The following ANKIB1 variants were observed in gnomAD, a reference collection of about 807,000 sequenced individuals.
ANKIB1 encodes the protein ankyrin repeat and IBR domain containing 1.
ANKIB1 carries 43 observed loss-of-function variants against 122.1 expected under a neutral mutation model. That is an observed-to-expected ratio of 0.35 (90% CI 0.28 to 0.45). The LOEUF is 0.45. Among genes scored for constraint, ANKIB1 ranks in the 20% least tolerant of loss-of-function variants. The pLI, the probability that ANKIB1 is intolerant of heterozygous loss-of-function variation, is 1.00. For synonymous variants in ANKIB1, 390 were observed against 442.0 expected (o/e 0.88, Z 1.48); for missense variants, 992 against 1,329.5 (o/e 0.75, Z 3.95).
intron 3 of ANKIB1, among the ~76,000 whole-genome samples, chr7:92,317,189 A>C (rs1171777294): frequency 6.6e-6 from 1 of 152,210 alleles, no homozygotes; most frequent in African/African-American, 2.4e-5. Context: ...AAATTAGGTA[A>C]TATAAATTTA....
intron 11 of ANKIB1, among the ~76,000 whole-genome samples, chr7:92,379,218 A>C (rs950361022): frequency 2.0e-5 from 3 of 152,140 alleles, no homozygotes; most frequent in African/African-American, 7.2e-5. Flanking sequence ...GTGAAACCCC[A>C]TCTCTACTAA....
intron 9 of ANKIB1, among the ~76,000 whole-genome samples, chr7:92,356,707 A>C (rs1585123566): frequency 6.6e-6 from 1 of 152,244 alleles, no homozygotes; most frequent in South Asian, 2.1e-4. Flanking sequence ...TGATGCAGTC[A>C]ACATACAGTG....
chr7:92,263,249 A>G (rs190237447), intron 1 of ANKIB1, among the ~76,000 whole-genome samples: 1 of 152,312 alleles, frequency 6.6e-6, no homozygotes, highest in Admixed American at 6.5e-5. Context: ...TTAATTCTGT[A>G]ATATTAAACC....
Position 92,335,802 on chromosome 7 carries a change from CTGTT to C in ANKIB1, c.788-7212_788-7209del, listed in dbSNP as rs769128136. On this transcript the variant is annotated intron_variant, in intron 5 of 19. Transcript: ENST00000265742. The stretch of plus-strand genomic sequence containing the variant: ...GGTTGGATTTAGGTCTTCCATTTCA[CTGTT>C]TGTTTGTTTTCTGTTTGTCTCTTTA... Among the ~76,000 whole-genome samples, 23 of 151,986 alleles carry C rather than the reference CTGTT, an allele frequency of 1.5e-4. 1 individual carries two copies. The highest frequency in any genetic ancestry group is 1.0e-3 in the South Asian group (5 of 4,818).
At chr7:92,293,131 A>C (rs899289053) in intron 1 of ANKIB1, among the ~76,000 whole-genome samples, 3 of 152,188 alleles carry the variant, frequency 2.0e-5, no homozygotes, top group Non-Finnish European at 4.4e-5. Flanking sequence ...GGGCACCAGA[A>C]GCCTTTTATA....
intron 5 of ANKIB1, among the ~76,000 whole-genome samples, chr7:92,334,122 G>A (rs950481856): frequency 2.0e-5 from 3 of 152,092 alleles, no homozygotes; most frequent in Admixed American, 6.6e-5. Context: ...GCATTCATTT[G>A]TGATTACTTT....
Position 92,307,614 on chromosome 7 carries a change from C to T in ANKIB1, c.444C>T (p.Pro148=), listed in dbSNP as rs1444507010. The change falls in exon 3 of 20, where the codon CCC becomes CCT. Residue 148 remains proline (P), a synonymous_variant. Transcript: ENST00000265742. ...IDAVDNKKNT[P]LHYAAASGMK... Reference sequence around the variant, plus strand: ...CTGTTGATAACAAAAAAAACACACCCTTGCACTATGCTGCTGCCTCAGGGA... The same window carrying T: ...CTGTTGATAACAAAAAAAACACACCTTTGCACTATGCTGCTGCCTCAGGGA... The T allele has an allele frequency of 6.2e-7, 1 of 1,612,430 alleles. No individual in the cohort carries two copies. Among genetic ancestry groups the T allele is most frequent in the East Asian group, 2.2e-5 (1 of 44,840 alleles).
At chr7:92,314,430 C>G (rs139878181) in intron 3 of ANKIB1, among the ~76,000 whole-genome samples, 104 of 152,234 alleles carry the variant, frequency 6.8e-4, no homozygotes, top group Non-Finnish European at 1.1e-3. Flanking sequence ...TTCTTAAAAG[C>G]CTTGCTACTC....
chr7:92,277,260 T>G (rs1160776019), intron 1 of ANKIB1, among the ~76,000 whole-genome samples: 2 of 152,182 alleles, frequency 1.3e-5, no homozygotes, highest in Non-Finnish European at 2.9e-5. Flanking sequence ...ACTAATACAG[T>G]ACTCCTGGAA....
intron 1 of ANKIB1, among the ~76,000 whole-genome samples, chr7:92,280,634 A>G (rs1489514567): frequency 1.3e-5 from 2 of 152,188 alleles, no homozygotes; most frequent in Non-Finnish European, 2.9e-5. Flanking sequence ...AAGAACAAAA[A>G]CAAAAGACAT....
chr7:92,327,900 G>T lies in ANKIB1; in HGVS notation c.787G>T (p.Asp263Tyr). The change falls in exon 5 of 20, where the codon GAC becomes TAC. Residue 263 changes from aspartate (D) to tyrosine (Y), a missense_variant and splice_region_variant. Coordinates refer to ENST00000265742, the MANE Select transcript of ANKIB1 (RefSeq NM_019004.2). ...TGCTGAAGCTTTACTTCGAGCTCAT[G>T]GTAATGAAAGAAATGTCTTATGCTT... The part of the protein sequence containing the change: ...FTAEALLRAH[D>Y]WDREKLLEAW... 1 of 1,561,880 alleles carries T rather than the reference G, an allele frequency of 6.4e-7. No homozygotes were observed. Among genetic ancestry groups the T allele is most frequent in the East Asian group, 2.3e-5 (1 of 43,148 alleles).
rs62467848 is a variant in ANKIB1, at chr7:92,385,965, C to T, written c.1618-544C>T. On this transcript the variant is annotated intron_variant, in intron 11 of 19. Coordinates refer to ENST00000265742, the MANE Select transcript of ANKIB1 (RefSeq NM_019004.2). ...AAGATCTTTTTAACTGACTCAAAAT[C>T]CTAAGCATAAGAAAGGATGTATTTT... Among the ~76,000 whole-genome samples, 376 of 152,266 alleles carry T rather than the reference C, an allele frequency of 2.5e-3. 2 individuals are homozygous for T. The highest frequency in any genetic ancestry group is 0.014 in the Middle Eastern group (4 of 294).
At chr7:92,388,935 A>C (rs1330276575) in intron 14 of ANKIB1, among the ~76,000 whole-genome samples, 2 of 152,194 alleles carry the variant, frequency 1.3e-5, no homozygotes, top group Non-Finnish European at 2.9e-5. Context: ...AAACTCTTGA[A>C]GTATTGTCCA....
At chr7:92,350,901 A>G (rs765063593) in intron 7 of ANKIB1, 49 bp from the exon 8 acceptor site, 1 of 1,520,774 alleles carries the variant, frequency 6.6e-7, no homozygotes. Flanking sequence ...GAATGTATGC[A>G]CAACTTAATA....
chr7:92,322,671 A>G (rs967836375), intron 4 of ANKIB1, among the ~76,000 whole-genome samples: 4 of 152,186 alleles, frequency 2.6e-5, no homozygotes, highest in South Asian at 2.1e-4. Context: ...ACTTAACAAT[A>G]TATCATGAAC....
chr7:92,297,338 T>C (rs984565216), intron 2 of ANKIB1, among the ~76,000 whole-genome samples: 1 of 152,222 alleles, frequency 6.6e-6, no homozygotes, highest in African/African-American at 2.4e-5. Context: ...GCAAAGCAAA[T>C]TACTTTGTCA....
At chr7:92,370,463 G>A (rs945550054) in intron 10 of ANKIB1, among the ~76,000 whole-genome samples, 13 of 129,990 alleles carry the variant, frequency 1.0e-4, no homozygotes, top group Admixed American at 4.7e-4. Context: ...AGCCGAGATC[G>A]AGCCACTGCA....
At chr7:92,314,835 TAGA>T (rs1278382229) in intron 3 of ANKIB1, among the ~76,000 whole-genome samples, 1 of 152,140 alleles carries the variant, frequency 6.6e-6, no homozygotes, top group Admixed American at 6.5e-5. Context: ...ACCAATGTAT[TAGA>T]AGGAGTGATA....
chr7:92,253,604 A>G (rs1801374582), intron 1 of ANKIB1, among the ~76,000 whole-genome samples: 1 of 152,216 alleles, frequency 6.6e-6, no homozygotes, highest in Admixed American at 6.5e-5. Context: ...ACATACATAT[A>G]TGTGATAGAA....
Sources: gnomAD v4.1 joint callset for allele counts (sites outside exome capture counted in the v4.1 genomes callset) on GRCh38, gnomAD v4.1.1 for gene constraint, MANE v1.5 for transcripts, NCBI Gene and HGNC (gene_info 2026-07-23, HGNC 2026-07-21) for gene names.